The following RNF123 variants were observed in gnomAD, a reference collection of about 807,000 sequenced individuals.
RNF123 encodes ring finger protein 123.
In RNF123, 86 loss-of-function variants were observed where a neutral mutation model predicts 168.5. That is an observed-to-expected ratio of 0.51 (90% CI 0.43 to 0.61). RNF123 has a LOEUF of 0.61. Among genes scored for constraint, RNF123 ranks in the 20% least tolerant of loss-of-function variants. RNF123 has a pLI of 0.00. For synonymous variants in RNF123, 666 were observed against 689.1 expected (o/e 0.97, Z 0.52); for missense variants, 1,419 against 1,729.7 (o/e 0.82, Z 3.19).
At chr3:49,711,164 C>T (rs1436315632) in intron 26 of RNF123, among the ~76,000 whole-genome samples, 1 of 152,172 alleles carries the variant, frequency 6.6e-6, no homozygotes, top group Non-Finnish European at 1.5e-5. Flanking sequence ...GGCGAAACCC[C>T]ATCTCTCCTA....
rs2080273396 is a variant in RNF123 at position 49,717,580 on chromosome 3, C to T, written c.3500+1103C>T. On this transcript the variant is annotated intron_variant, in intron 35 of 38. Coordinates refer to ENST00000327697, the MANE Select transcript of RNF123 (RefSeq NM_022064.5). ...GACGGGAGGCTCTGCTACAGGGGTT[C>T]TTCCACAGGCTGTAGAAGAACACAG... 3.1e-5 allele frequency: 9 copies of T among 286,938 alleles called. No homozygotes were observed. In the South Asian group the frequency reaches 3.4e-4, roughly 11 times the overall value. The allele number at this position is 286,938 out of a possible 1,614,324, so 17.8% of individuals were successfully genotyped here. A position where few individuals can be genotyped will look rare whatever the true frequency, so the allele number is the denominator to read the frequency against.
intron 17 of RNF123, 59 bp from the exon 18 acceptor site, chr3:49,702,024 C>A: frequency 6.3e-7 from 1 of 1,586,354 alleles, no homozygotes; most frequent in Non-Finnish European, 8.6e-7. Context: ...GGAGCCCTGG[C>A]CCAAACCTGC....
At position 49,700,281 on chromosome 3, in the gene RNF123, G is replaced by C; in HGVS notation, c.1039G>C (p.Glu347Gln). The change falls in exon 13 of 39, where the codon GAG becomes CAG. Residue 347 changes from glutamate to glutamine, a missense_variant. This residue lies in a region of RNF123 where 349 missense variants were observed against 344.9 expected (regional missense o/e 1.01). Transcript: ENST00000327697. ...CATGAGCTTCTTGCTGGGCATCGTG[G>C]AGAAGGGCACACCCACACAGGCACA... is the stretch of plus-strand genomic sequence containing the variant. The part of the protein sequence containing the change: ...VLMSFLLGIV[E>Q]KGTPTQAQSV... 1 of 1,614,198 alleles carries C rather than the reference G, an allele frequency of 6.2e-7. No individual in the cohort carries two copies. Among genetic ancestry groups the C allele is most frequent in the South Asian group, 1.1e-5 (1 of 91,086 alleles).
chr3:49,700,048 G>A (rs957008136), intron 12 of RNF123, 179 bp from the exon 13 acceptor site: 11 of 837,720 alleles, frequency 1.3e-5, no homozygotes, highest in Admixed American at 2.7e-5. Context: ...TAGAGGAGCC[G>A]TGGGGCAATG....
At chr3:49,718,620 C>G in intron 35 of RNF123, 1 of 1,613,034 alleles carries the variant, frequency 6.2e-7, no homozygotes, top group African/African-American at 1.3e-5. Context: ...CTTCCGGCCG[C>G]TCTAGGCCAA....
intron 26 of RNF123, among the ~76,000 whole-genome samples, chr3:49,709,349 G>A (rs1247359405): frequency 1.3e-5 from 2 of 148,968 alleles, no homozygotes; most frequent in East Asian, 2.0e-4. Context: ...CACCCAGGCC[G>A]GAGTGCAATG....
In RNF123 at chr3:49,705,147, G is replaced by A. The variant is rs373099985; in HGVS notation, c.2123G>A (p.Arg708His). ...PLSTSEKVKV[R>H]TLSVEQRTRE... ...AGCACCTCGGAGAAAGTGAAGGTCC[G>A]CACGCTGAGCGTGGAGCAGAGGACC... Residue 708 changes from arginine (R) to histidine (H), a missense_variant, in exon 23 of 39, where the codon CGC (arginine) becomes CAC (histidine). Transcript: ENST00000327697. 4.0e-5 allele frequency: 64 copies of A among 1,607,212 alleles called. No homozygotes were observed. The African/African-American group carries it at 4.5e-4, about 11-fold the overall frequency.
At chr3:49,707,514 G>C (rs1301491900) in intron 26 of RNF123, among the ~76,000 whole-genome samples, 1 of 152,116 alleles carries the variant, frequency 6.6e-6, no homozygotes, top group Non-Finnish European at 1.5e-5. Context: ...TTCACCCCCA[G>C]GCCTCAGACT....
chr3:49,716,228 C>T, intron 34 of RNF123, 51 bp downstream of exon 34: 1 of 1,592,216 alleles, frequency 6.3e-7, no homozygotes, highest in South Asian at 1.1e-5. Context: ...CTCGGTTCCT[C>T]TGCTAGGAAC....
At chr3:49,715,443 C>A (rs1232642602) in intron 31 of RNF123, 132 bp from the exon 32 acceptor site, 2 of 1,114,780 alleles carry the variant, frequency 1.8e-6, no homozygotes, top group Admixed American at 4.7e-5. Flanking sequence ...CCCCTGCTTT[C>A]ATGACCTGAG....
chr3:49,702,709 G>A lies in RNF123; in HGVS notation c.1706G>A (p.Trp569Ter). ...HRLISALRYYWDEYKASNPHA... is the reference protein window; with the variant it reads ...HRLISALRYY Reference sequence around the variant, plus strand: ...CTGATCTCTGCCCTGCGCTACTATTGGGATGAATACAAGGCTTCCAATCCT... The same window carrying A: ...CTGATCTCTGCCCTGCGCTACTATTAGGATGAATACAAGGCTTCCAATCCT... The change falls in exon 20 of 39, where the codon TGG becomes TAG. Residue 569 changes from tryptophan to a stop codon, truncating the protein, a stop_gained. Coordinates refer to ENST00000327697, the MANE Select transcript of RNF123 (RefSeq NM_022064.5). LOFTEE classifies it high-confidence loss of function. The A allele has an allele frequency of 6.2e-7, 1 of 1,614,202 alleles. No individual in the cohort carries two copies. Among genetic ancestry groups the A allele is most frequent in the Non-Finnish European group, 8.5e-7 (1 of 1,180,032 alleles).
chr3:49,694,428 G>T (rs9858213), intron 3 of RNF123, among the ~76,000 whole-genome samples: 40,959 of 152,076 alleles, frequency 0.27, 6,051 homozygotes, highest in Middle Eastern at 0.3. Context: ...CATCTTTAGG[G>T]CCAGGGGGTC....
rs747396171 is a variant in RNF123 at position 49,721,513 on chromosome 3, AATT to A, written c.*215_*217del. The stretch of plus-strand genomic sequence containing the variant: ...TCAGTCAGGGCCACAGTGAGCATTA[AATT>A]ATTATTCCATACAGCCCTGGCCCTG... On this transcript the variant is annotated 3_prime_UTR_variant, in exon 39 of 39. Coordinates refer to ENST00000327697, the MANE Select transcript of RNF123 (RefSeq NM_022064.5). 14 of 839,804 alleles carry A rather than the reference AATT, an allele frequency of 1.7e-5. No homozygotes were observed. Among genetic ancestry groups the A allele is most frequent in the Non-Finnish European group, 2.6e-5 (13 of 500,778 alleles). The allele number at this position is 839,804 out of a possible 1,614,324, so 52.0% of individuals were successfully genotyped here. A position where few individuals can be genotyped will look rare whatever the true frequency, so the allele number is the denominator to read the frequency against.
intron 26 of RNF123, among the ~76,000 whole-genome samples, chr3:49,708,678 C>T (rs2080080579): frequency 1.3e-5 from 2 of 152,238 alleles, no homozygotes; most frequent in Admixed American, 6.5e-5. Context: ...TTGTGTATGG[C>T]TTTAGCATAA....
chr3:49,718,704 G>C (rs1215601199), intron 35 of RNF123: 1 of 1,613,016 alleles, frequency 6.2e-7, no homozygotes, highest in African/African-American at 1.3e-5. Context: ...CGGGTACCTT[G>C]AAGGCCAAGC....
At chr3:49,694,894 T>A (rs544727357) in intron 3 of RNF123, among the ~76,000 whole-genome samples, 16 of 151,318 alleles carry the variant, frequency 1.1e-4, no homozygotes, top group South Asian at 2.1e-4. Flanking sequence ...AGACAGCAGG[T>A]GGTAGGGCTG....
At chr3:49,708,357 G>T (rs1443749342) in intron 26 of RNF123, among the ~76,000 whole-genome samples, 1 of 152,204 alleles carries the variant, frequency 6.6e-6, no homozygotes, top group Non-Finnish European at 1.5e-5. Flanking sequence ...GATACTCCGT[G>T]CCTGTTGAAC....
Position 49,713,566 on chromosome 3 carries a change from G to A in RNF123, c.2728G>A (p.Asp910Asn), listed in dbSNP as rs1275420571. Residue 910 changes from aspartate (D) to asparagine (N), a missense_variant, in exon 28 of 39, where the codon GAC becomes AAC. Physicochemically the swap from Asp to Asn is conservative, Grantham distance 23. Around this residue, in one of 5 missense-constraint regions of RNF123, gnomAD observed 538 missense variants for 708.8 expected, o/e 0.76. Coordinates refer to ENST00000327697, the MANE Select transcript of RNF123 (RefSeq NM_022064.5). ...LAAILAKHFADARIVGTDIRD... is the reference protein window; with the variant it reads ...LAAILAKHFANARIVGTDIRD... The stretch of plus-strand genomic sequence containing the variant: ...TGCCATTCTCGCCAAACACTTTGCC[G>A]ACGCACGCATTGTGGGCACTGGTGA... The A allele has an allele frequency of 3.7e-6, 6 of 1,612,304 alleles. No individual in the cohort carries two copies. Among genetic ancestry groups the A allele is most frequent in the African/African-American group, 1.3e-5 (1 of 74,918 alleles).
intron 35 of RNF123, chr3:49,719,496 G>C: frequency 2.6e-6 from 4 of 1,556,572 alleles, no homozygotes; most frequent in Non-Finnish European, 3.5e-6. Flanking sequence ...GTACAGAGCA[G>C]CTCTGTGCAG....
Sources: allele counts gnomAD v4.1 joint callset (sites outside exome capture counted in the v4.1 genomes callset), GRCh38; gene constraint gnomAD v4.1.1; regional missense constraint gnomAD v4.1.1; transcripts MANE v1.5; gene names NCBI Gene and HGNC (gene_info 2026-07-23, HGNC 2026-07-21).